The following TTC21A variants were observed in gnomAD, a reference collection of about 807,000 sequenced individuals.
TTC21A encodes the protein tetratricopeptide repeat protein 21A.
In TTC21A, 128 loss-of-function variants were observed where a neutral mutation model predicts 156.4. That is an observed-to-expected ratio of 0.82 (90% confidence interval 0.71 to 0.95). The LOEUF (loss-of-function observed/expected upper bound fraction) is 0.95, where lower values mean the gene tolerates loss of function less well. TTC21A is among the 40% of genes least tolerant of loss of function. The probability of loss-of-function intolerance (pLI) is 0.00; values close to 1 mark genes in which losing one functional copy is unlikely to be tolerated. For synonymous variants in TTC21A, 587 were observed against 617.1 expected, an observed-to-expected ratio of 0.95 and a Z score of 0.72; for missense variants, 1,435 against 1,602.3, an observed-to-expected ratio of 0.90 and a Z score of 1.78.
chr3:39,109,289 C>T (rs1463567791), intron 2 of TTC21A, 75 bp downstream of exon 2: 3 of 1,510,672 alleles, frequency 2.0e-6, no homozygotes, highest in Non-Finnish European at 2.7e-6. Flanking sequence ...CACCTGGATG[C>T]CTTCTTGTAT....
intron 6 of TTC21A, 25 bp downstream of exon 6, chr3:39,114,767 C>T (rs1250242405): frequency 9.3e-6 from 15 of 1,613,666 alleles, no homozygotes; most frequent in Non-Finnish European, 1.3e-5. Context: ...AAATGGGCAG[C>T]CAAGGGTGGT....
intron 5 of TTC21A, 133 bp downstream of exon 5, chr3:39,112,713 A>G: frequency 1.4e-6 from 2 of 1,388,556 alleles, no homozygotes; most frequent in East Asian, 5.0e-5. Context: ...GCAGAGGCCC[A>G]GAGAGGTTCA....
intron 9 of TTC21A, among the ~76,000 whole-genome samples, chr3:39,124,122 A>C (rs1281789920): frequency 1.3e-5 from 2 of 152,206 alleles, no homozygotes; most frequent in East Asian, 3.8e-4. Flanking sequence ...TATGTGCTCT[A>C]TGACCCATCA....
chr3:39,134,238 G>A lies in TTC21A; in HGVS notation c.2772G>A (p.Gln924=), dbSNP rs139260047. Residue 924 remains glutamine, a synonymous_variant, in exon 21 of 29, where the codon CAG becomes CAA. Transcript: ENST00000683103. The surrounding 1 kb of genome is among the most constrained non-coding windows in gnomAD (Gnocchi z 4.6). The part of the protein sequence containing the change: ...TDNKVMLELA[Q]LYLLQGHLDL... Reference sequence around the variant, plus strand: ...CCCAGGTGATGCTGGAGCTGGCGCAGCTCTACCTGCTCCAGGGGCACCTGG... The same window carrying A: ...CCCAGGTGATGCTGGAGCTGGCGCAACTCTACCTGCTCCAGGGGCACCTGG... The A allele has an allele frequency of 2.1e-4, 341 of 1,613,780 alleles. 1 individual carries two copies. In the African/African-American group the frequency reaches 3.9e-3, roughly 18 times the overall value.
Position 39,107,716 on chromosome 3 carries a change from G to C in TTC21A, c.-122G>C, listed in dbSNP as rs1010296330. The C allele has an allele frequency of 7.6e-6, 11 of 1,442,328 alleles. No individual in the cohort carries two copies. Among genetic ancestry groups the C allele is most frequent in the Admixed American group, 5.2e-5 (3 of 57,652 alleles). 89.3% of individuals were successfully genotyped at this position (1,442,328 alleles called of 1,614,324 possible). A position where few individuals can be genotyped will look rare whatever the true frequency, so the allele number is the denominator to read the frequency against. On this transcript the variant is annotated 5_prime_UTR_variant, in exon 1 of 29. Transcript: ENST00000683103. The stretch of plus-strand genomic sequence containing the variant: ...GCTCCTAGCAACCGGCTAGCAGCTC[G>C]GTTTCCAAGGACTGTAACGCCTTCA...
Position 39,125,157 on chromosome 3 carries a change from T to G in TTC21A, c.1188T>G (p.Ser396=), listed in dbSNP as rs755495900. 6.2e-7 allele frequency: 1 copy of G among 1,612,658 alleles called. No homozygotes were observed. Among genetic ancestry groups the G allele is most frequent in the East Asian group, 2.2e-5 (1 of 44,876 alleles). The stretch of plus-strand genomic sequence containing the variant: ...AGGTGCAGAAGTCCCTTGGGAAGTC[T>G]GAGGTCAGAGCTCCCTGGGGGTATG... ...LKEVQKSLGK[S]EVLIFLQALL... Residue 396 remains serine, a synonymous_variant, in exon 10 of 29, where the codon TCT becomes TCG. Transcript: ENST00000683103.
At chr3:39,125,295 T>G in intron 10 of TTC21A, 37 bp from the exon 11 acceptor site, 1 of 1,603,602 alleles carries the variant, frequency 6.2e-7, no homozygotes, top group Non-Finnish European at 8.5e-7. Flanking sequence ...CTGCCCAGGC[T>G]GACATTGGCA....
Position 39,138,684 on chromosome 3 carries a change from T to C in TTC21A, c.3865-27T>C, listed in dbSNP as rs753200242. On this transcript the variant is annotated intron_variant, in intron 28 of 28. Transcript: ENST00000683103. ...AGTGGTGGGGAAACCTGCATGATAC[T>C]GCACACCCATTCTCTCTCTGTTCCA... 6.2e-6 allele frequency: 10 copies of C among 1,613,924 alleles called. No individual in the cohort carries two copies. In the South Asian group the frequency reaches 8.8e-5, roughly 14 times the overall value.
rs745707006 is a variant in TTC21A, at chr3:39,130,886, T to A, written c.2458+47T>A. The A allele has an allele frequency of 2.5e-6, 4 of 1,611,614 alleles. No individual in the cohort carries two copies. In the South Asian group the frequency reaches 4.4e-5, roughly 18 times the overall value. On this transcript the variant is annotated intron_variant, in intron 18 of 28. Transcript: ENST00000683103. This position sits in a 1 kb window ranked among gnomAD's most constrained non-coding sequence, Gnocchi z 4.5. ...TTTCTAGCATTTGGAGCAGACATAC[T>A]CCTCCCCCATTCCCCATTAGCTGAA...
intron 26 of TTC21A, 107 bp from the exon 27 acceptor site, chr3:39,138,160 C>T (rs752178972): frequency 3.9e-5 from 60 of 1,538,710 alleles, no homozygotes; most frequent in Admixed American, 3.4e-4. Flanking sequence ...TATGGCAGCT[C>T]ACTTCTGTCC....
chr3:39,116,040 G>C (rs2037263340), intron 6 of TTC21A, among the ~76,000 whole-genome samples: 1 of 152,244 alleles, frequency 6.6e-6, no homozygotes, highest in African/African-American at 2.4e-5. Flanking sequence ...GTAGGAGCTT[G>C]CTTTGGAGGC....
intron 12 of TTC21A, among the ~76,000 whole-genome samples, chr3:39,126,631 A>G (rs2038290521): frequency 7.9e-5 from 1 of 12,630 alleles, no homozygotes; most frequent in Non-Finnish European, 6.0e-4. Context: ...TGTACTACAC[A>G]CACACACACA....
chr3:39,125,502 T>TAAGG lies in TTC21A; in HGVS notation c.1364_1367dup (p.Tyr457GlyfsTer22). On this transcript the variant is annotated frameshift_variant, in exon 11 of 29. Coordinates refer to ENST00000683103, the MANE Select transcript of TTC21A (RefSeq NM_001366900.1). LOFTEE classifies it high-confidence loss of function. ...ACCCGTACTTCCTGGTCTGCATTGCTAAGGAGTACTTGCTCTTCTGCCCCA... is the reference window on the plus strand; with the variant it reads ...ACCCGTACTTCCTGGTCTGCATTGCTAAGGAAGGAGTACTTGCTCTTCTGCCCCA... The TAAGG allele has an allele frequency of 6.2e-7, 1 of 1,613,838 alleles. No homozygotes were observed. Among genetic ancestry groups the TAAGG allele is most frequent in the South Asian group, 1.1e-5 (1 of 91,082 alleles).
chr3:39,109,979 T>A, intron 2 of TTC21A, 50 bp from the exon 3 acceptor site: 1 of 1,369,240 alleles, frequency 7.3e-7, no homozygotes, highest in South Asian at 1.2e-5. Flanking sequence ...GAGTCTCATG[T>A]CCTCTAGTCC....
chr3:39,110,323 T>C, intron 3 of TTC21A, 184 bp downstream of exon 3: 3 of 658,712 alleles, frequency 4.6e-6, no homozygotes, highest in South Asian at 1.7e-5. Flanking sequence ...GAAGACTCCA[T>C]GCCTGGGCCC....
chr3:39,137,237 C>T lies in TTC21A; in HGVS notation c.3300C>T (p.Thr1100=), dbSNP rs775287906. ...AGTTGGAGCAGCAGGGTGTGAGCAC[C>T]GCCGAGAAACTGCTGCGTGAGTTTT... ...KKELEQQGVS[T]AEKLLREFYP... is the part of the protein sequence containing the mutation. Residue 1100 remains threonine, a synonymous_variant, in exon 25 of 29, where the codon ACC becomes ACT. Coordinates refer to ENST00000683103, the MANE Select transcript of TTC21A (RefSeq NM_001366900.1). The T allele has an allele frequency of 1.3e-5, 21 of 1,613,974 alleles. No individual in the cohort carries two copies. Among genetic ancestry groups the T allele is most frequent in the Admixed American group, 3.3e-5 (2 of 60,006 alleles).
chr3:39,125,639 A>T, intron 11 of TTC21A, 107 bp downstream of exon 11: 1 of 847,560 alleles, frequency 1.2e-6, no homozygotes, highest in Admixed American at 1.8e-5. Context: ...ACAAGTAAGG[A>T]TGGGGTGAGC....
At chr3:39,109,957 G>T (rs2125739548) in intron 2 of TTC21A, 72 bp from the exon 3 acceptor site, 2 of 1,096,598 alleles carry the variant, frequency 1.8e-6, no homozygotes, top group East Asian at 4.8e-5. Context: ...CTGAGCTGTT[G>T]GGTCAGCTAC....
At chr3:39,115,167 T>C (rs1326477375) in intron 6 of TTC21A, among the ~76,000 whole-genome samples, 2 of 152,130 alleles carry the variant, frequency 1.3e-5, no homozygotes, top group African/African-American at 4.8e-5. Flanking sequence ...GGGAAAAAAG[T>C]CACTGGTGAC....
Sources: allele counts gnomAD v4.1 joint callset (sites outside exome capture counted in the v4.1 genomes callset), GRCh38; gene constraint gnomAD v4.1.1; non-coding constraint Gnocchi (gnomAD v3.1); transcripts MANE v1.5; gene names NCBI Gene and HGNC (gene_info 2026-07-23, HGNC 2026-07-21).